SCOC: variants seen among roughly 807,000 people sequenced by gnomAD.
SCOC encodes short coiled coil protein.
In SCOC, 7 loss-of-function variants were observed where a neutral mutation model predicts 9.9. The observed-to-expected ratio is 0.71, with a 90% CI of 0.40 to 1.33. The LOEUF (loss-of-function observed/expected upper bound fraction) is 1.33. Among genes scored for constraint, SCOC ranks in the 40% most tolerant of loss-of-function variants. The probability of loss-of-function intolerance (pLI) is 0.01; values close to 1 mark genes in which losing one functional copy is unlikely to be tolerated. For missense variants in SCOC, 66 were observed against 89.7 expected, an observed-to-expected ratio of 0.74 and a Z score of 1.07; for synonymous variants, 19 against 28.2, an observed-to-expected ratio of 0.67 and a Z score of 1.03.
chr4:140,272,057 CTTTTTTT>C (rs11325260), intron 1 of SCOC, among the ~76,000 whole-genome samples: 4 of 133,752 alleles, frequency 3.0e-5, no homozygotes, highest in African/African-American at 1.2e-4. Context: ...TCTATCATCA[CTTTTTTT>C]TTTTTTTTTT....
At chr4:140,311,060 A>G (rs1337969494) in intron 1 of SCOC, among the ~76,000 whole-genome samples, 1 of 152,130 alleles carries the variant, frequency 6.6e-6, no homozygotes, top group African/African-American at 2.4e-5. Flanking sequence ...AATCTAACTT[A>G]TCCTTAATAA....
At chr4:140,361,169 G>C (rs1030100597) in intron 2 of SCOC, among the ~76,000 whole-genome samples, 3 of 151,220 alleles carry the variant, frequency 2.0e-5, no homozygotes, top group Non-Finnish European at 4.4e-5. Flanking sequence ...TGACAGACCT[G>C]TAGGGACAGG....
intron 1 of SCOC, among the ~76,000 whole-genome samples, chr4:140,277,435 T>C (rs1333466785): frequency 1.3e-5 from 2 of 152,190 alleles, no homozygotes; most frequent in Admixed American, 1.3e-4. Flanking sequence ...CTATTCTTCG[T>C]GCTATTCCAT....
chr4:140,322,663 T>C (rs1732533921), intron 1 of SCOC, among the ~76,000 whole-genome samples: 2 of 152,272 alleles, frequency 1.3e-5, no homozygotes, highest in South Asian at 4.1e-4. Flanking sequence ...TAATTGCTTA[T>C]AGTAAAATGT....
At chr4:140,301,698 G>A (rs1374292681) in intron 1 of SCOC, among the ~76,000 whole-genome samples, 2 of 152,240 alleles carry the variant, frequency 1.3e-5, no homozygotes, top group African/African-American at 4.8e-5. Flanking sequence ...TGAAGTTACA[G>A]ATGGAGGCAT....
At chr4:140,367,177 C>T (rs141837951) in intron 2 of SCOC, among the ~76,000 whole-genome samples, 3 of 151,784 alleles carry the variant, frequency 2.0e-5, no homozygotes, top group Non-Finnish European at 2.9e-5. Flanking sequence ...TGCACTCCAG[C>T]CTGGGCAACA....
chr4:140,289,846 T>C (rs747568964), intron 1 of SCOC, among the ~76,000 whole-genome samples: 4 of 152,272 alleles, frequency 2.6e-5, no homozygotes, highest in Non-Finnish European at 4.4e-5. Flanking sequence ...GACTGGCTAA[T>C]AGCAGCTGGC....
chr4:140,312,528 A>T (rs1197908293), intron 1 of SCOC, among the ~76,000 whole-genome samples: 1 of 152,128 alleles, frequency 6.6e-6, no homozygotes, highest in Non-Finnish European at 1.5e-5. Flanking sequence ...TCCTGGGCTC[A>T]AGTAATTCTC....
intron 2 of SCOC, among the ~76,000 whole-genome samples, chr4:140,362,301 T>TCTTCTTGTTCTTCTTCTTCTTC: frequency 6.8e-5 from 2 of 29,410 alleles, no homozygotes; most frequent in Admixed American, 4.0e-4. Flanking sequence ...TTCTTCTTCT[T>TCTTCTTGTTCTTCTTCTTCTTC]TTTTTTTTTT....
At chr4:140,290,097 T>G (rs1455975213) in intron 1 of SCOC, among the ~76,000 whole-genome samples, 1 of 152,232 alleles carries the variant, frequency 6.6e-6, no homozygotes, top group Non-Finnish European at 1.5e-5. Flanking sequence ...TGTGCAGGTG[T>G]CACCTAGCAT....
intron 1 of SCOC, among the ~76,000 whole-genome samples, chr4:140,304,344 T>C (rs1731901260): frequency 6.6e-6 from 1 of 152,032 alleles, no homozygotes; most frequent in Non-Finnish European, 1.5e-5. Flanking sequence ...TATGGAGATA[T>C]TGCCACTGAT....
At position 140,286,371 on chromosome 4, in the gene SCOC, A is replaced by C. The variant is rs1379336118; in HGVS notation, c.-19+28961A>C. ...AAAATGTTAAAGGCTGAAAAAAAAA[A>C]ACACAAAAAACAAAAAACAGAGGGA... is the stretch of plus-strand genomic sequence containing the variant. On this transcript the variant is annotated intron_variant, in intron 1 of 4. Transcript: ENST00000394205. Among the ~76,000 whole-genome samples, 6 of 151,986 alleles carry C rather than the reference A, an allele frequency of 3.9e-5. No individual in the cohort carries two copies. In the South Asian group the frequency reaches 6.2e-4, roughly 16 times the overall value.
intron 2 of SCOC, among the ~76,000 whole-genome samples, chr4:140,354,460 C>A (rs1269272939): frequency 6.8e-6 from 1 of 148,076 alleles, no homozygotes; most frequent in East Asian, 2.1e-4. Flanking sequence ...TGATCGTCCA[C>A]ATACAATTGC....
At chr4:140,317,191 C>T (rs577107419) in intron 1 of SCOC, among the ~76,000 whole-genome samples, 36 of 152,264 alleles carry the variant, frequency 2.4e-4, no homozygotes, top group African/African-American at 8.7e-4. Flanking sequence ...ATACTGCATG[C>T]AGCTCTTTCT....
At chr4:140,367,440 C>T (rs1578869900) in intron 2 of SCOC, among the ~76,000 whole-genome samples, 1 of 151,598 alleles carries the variant, frequency 6.6e-6, no homozygotes, top group Admixed American at 6.6e-5. Context: ...AGTGCAGTGG[C>T]GTGATCTTAG....
chr4:140,344,817 T>A (rs1001634604), intron 2 of SCOC, among the ~76,000 whole-genome samples: 1 of 152,144 alleles, frequency 6.6e-6, no homozygotes, highest in South Asian at 2.1e-4. Flanking sequence ...GGAGGCGAGA[T>A]GAGCATGCGC....
intron 1 of SCOC, among the ~76,000 whole-genome samples, chr4:140,269,019 C>A (rs1730787056): frequency 6.6e-6 from 1 of 152,152 alleles, no homozygotes; most frequent in African/African-American, 2.4e-5. Context: ...GGGGAAGCTG[C>A]CTGGCTTCCA....
intron 1 of SCOC, among the ~76,000 whole-genome samples, chr4:140,328,997 G>A (rs573386389): frequency 1.3e-5 from 2 of 152,042 alleles, no homozygotes; most frequent in African/African-American, 4.8e-5. Flanking sequence ...GCCAAAGCAA[G>A]ACTAAGCAAA....
intron 1 of SCOC, among the ~76,000 whole-genome samples, chr4:140,291,052 T>C (rs781601233): frequency 2.6e-5 from 4 of 152,208 alleles, no homozygotes; most frequent in Non-Finnish European, 5.9e-5. Context: ...AACTCCACAC[T>C]ATATCTTTTT....
Sources: allele counts gnomAD v4.1 joint callset (sites outside exome capture counted in the v4.1 genomes callset), GRCh38; gene constraint gnomAD v4.1.1; transcripts MANE v1.5; gene names NCBI Gene and HGNC (gene_info 2026-07-23, HGNC 2026-07-21).